Variants in FAM107B observed in about 807,000 individuals in gnomAD.
FAM107B encodes family with sequence similarity 107 member B.
FAM107B carries 21 observed loss-of-function variants against 31.5 expected under a neutral mutation model. That is an observed-to-expected ratio of 0.67 (90% CI 0.47 to 0.96). FAM107B has a LOEUF of 0.96. Ranked by LOEUF, FAM107B falls within the 40% of genes least tolerant of loss-of-function variation. FAM107B has a pLI of 0.00. For missense variants in FAM107B, 452 were observed against 377.1 expected (o/e 1.20, Z -1.64); for synonymous variants, 157 against 141.5 (o/e 1.11, Z -0.78).
intron 2 of FAM107B, among the ~76,000 whole-genome samples, chr10:14,547,190 A>G (rs1437030055): frequency 6.6e-6 from 1 of 152,208 alleles, no homozygotes; most frequent in Non-Finnish European, 1.5e-5. Flanking sequence ...ACTTCTGTAT[A>G]ACTACACGTT....
At chr10:14,740,687 T>C (rs1489938404) in intron 1 of FAM107B, among the ~76,000 whole-genome samples, 2 of 152,182 alleles carry the variant, frequency 1.3e-5, no homozygotes, top group African/African-American at 4.8e-5. Context: ...TAGGGAAAAC[T>C]GTGTGCACAG....
chr10:14,565,431 G>A (rs1022446754), intron 2 of FAM107B, among the ~76,000 whole-genome samples: 1 of 152,146 alleles, frequency 6.6e-6, no homozygotes, highest in Non-Finnish European at 1.5e-5. Flanking sequence ...ACTCAAGCCT[G>A]GGGTTAGCAC....
intron 2 of FAM107B, among the ~76,000 whole-genome samples, chr10:14,652,301 C>G (rs554252891): frequency 3.0e-4 from 46 of 152,326 alleles, no homozygotes; most frequent in African/African-American, 8.4e-4. Context: ...CTAAAGAGCA[C>G]CAGATCCCAG....
chr10:14,576,553 A>C (rs192747539), intron 2 of FAM107B, among the ~76,000 whole-genome samples: 4 of 105,830 alleles, frequency 3.8e-5, no homozygotes, highest in African/African-American at 9.5e-5. Flanking sequence ...ACAACAACAA[A>C]AAGCCACTGA....
chr10:14,669,213 C>G (rs979626155), intron 1 of FAM107B, among the ~76,000 whole-genome samples: 1 of 151,536 alleles, frequency 6.6e-6, no homozygotes, highest in African/African-American at 2.4e-5. Flanking sequence ...ACAAAAAATA[C>G]AAAAAAATTA....
intron 1 of FAM107B, among the ~76,000 whole-genome samples, chr10:14,673,278 C>T (rs928374750): frequency 6.6e-6 from 1 of 152,154 alleles, no homozygotes; most frequent in Non-Finnish European, 1.5e-5. Flanking sequence ...CAACCTCTCC[C>T]TATTTTTCCT....
intron 2 of FAM107B, chr10:14,572,430 T>G: frequency 1.0e-6 from 1 of 984,418 alleles, no homozygotes; most frequent in Non-Finnish European, 1.2e-6. Context: ...CTCGCACTTC[T>G]TAGAGCATCA....
intron 2 of FAM107B, among the ~76,000 whole-genome samples, chr10:14,578,432 C>T (rs970602234): frequency 3.9e-5 from 6 of 152,162 alleles, no homozygotes; most frequent in South Asian, 2.1e-4. Flanking sequence ...TTCCCTATCA[C>T]GGAGGCACAT....
At chr10:14,726,374 GTTA>G (rs936307916) in intron 1 of FAM107B, among the ~76,000 whole-genome samples, 169 of 152,274 alleles carry the variant, frequency 1.1e-3, no homozygotes, top group African/African-American at 3.8e-3. Context: ...GGACAATGGT[GTTA>G]TTTGTGTGCC....
chr10:14,572,759 ATT>A (rs1491578247), intron 2 of FAM107B, among the ~76,000 whole-genome samples: 1 of 141,242 alleles, frequency 7.1e-6, no homozygotes, highest in African/African-American at 2.6e-5. Flanking sequence ...ATATATATAT[ATT>A]AGAGTGTGTG....
chr10:14,534,831 T>C (rs1847440920), intron 2 of FAM107B: 1 of 152,244 alleles, frequency 6.6e-6, no homozygotes, highest in Non-Finnish European at 1.5e-5. Flanking sequence ...GCAAAGAACA[T>C]GTCTGGTTTA....
chr10:14,725,688 C>T (rs7897176), intron 1 of FAM107B, among the ~76,000 whole-genome samples: 33,659 of 151,948 alleles, frequency 0.22, 3,928 homozygotes, highest in African/African-American at 0.28. Context: ...GTCTCTAATC[C>T]GATTATGGGG....
intron 1 of FAM107B, among the ~76,000 whole-genome samples, chr10:14,726,732 G>T (rs1856044307): frequency 6.6e-6 from 1 of 152,024 alleles, no homozygotes; most frequent in Non-Finnish European, 1.5e-5. Context: ...GCTTTCTTGT[G>T]CCTTCCCCCC....
chr10:14,595,030 A>G (rs569118980), intron 2 of FAM107B, among the ~76,000 whole-genome samples: 2 of 152,070 alleles, frequency 1.3e-5, no homozygotes, highest in African/African-American at 2.4e-5. Context: ...GAGAGGCCAC[A>G]CTGTGATTCT....
At chr10:14,679,794 T>C (rs1314917859) in intron 1 of FAM107B, among the ~76,000 whole-genome samples, 1 of 152,156 alleles carries the variant, frequency 6.6e-6, no homozygotes, top group Non-Finnish European at 1.5e-5. Context: ...CTCAATCTAG[T>C]GGGCACCATC....
In FAM107B at chr10:14,585,660, G is replaced by T. The variant is rs867576568; in HGVS notation, c.470-55145C>A. On this transcript the variant is annotated intron_variant, in intron 2 of 4. Coordinates refer to ENST00000181796, the MANE Select transcript of FAM107B (RefSeq NM_031453.4). ...AAAGAGCTCTGAAAAGTGTGGCGCA[G>T]AACGTTCTTTGGAATTCAAATAACA... 2.0e-5 allele frequency among the ~76,000 whole-genome samples: 3 copies of T among 152,334 alleles called. No homozygotes were observed. The Middle Eastern group carries it at 0.01, about 518-fold the overall frequency.
At chr10:14,747,368 G>T (rs371614749) in intron 1 of FAM107B, among the ~76,000 whole-genome samples, 2 of 152,152 alleles carry the variant, frequency 1.3e-5, no homozygotes, top group East Asian at 3.8e-4. Flanking sequence ...TGGAGAAGAG[G>T]CACTCTCATT....
At chr10:14,732,139 C>G (rs1051494345) in intron 1 of FAM107B, among the ~76,000 whole-genome samples, 3 of 152,144 alleles carry the variant, frequency 2.0e-5, no homozygotes, top group Non-Finnish European at 4.4e-5. Flanking sequence ...TGACCTAACT[C>G]AAACTACTCT....
chr10:14,628,458 T>C (rs1286007342), intron 2 of FAM107B, among the ~76,000 whole-genome samples: 1 of 152,080 alleles, frequency 6.6e-6, no homozygotes, highest in Admixed American at 6.6e-5. Flanking sequence ...CTTTCCAGTT[T>C]ATGTGCTACT....
Sources: allele counts gnomAD v4.1 joint callset (sites outside exome capture counted in the v4.1 genomes callset), GRCh38; gene constraint gnomAD v4.1.1; transcripts MANE v1.5; gene names NCBI Gene and HGNC (gene_info 2026-07-23, HGNC 2026-07-21).